Variants in UNC79 observed in about 807,000 individuals in gnomAD.
UNC79 encodes the protein unc-79 subunit of NALCN channel complex, also known as protein unc-79 homolog.
UNC79 carries 37 observed loss-of-function variants against 283.1 expected under a neutral mutation model. That is an observed-to-expected ratio of 0.13 (90% CI 0.10 to 0.17). UNC79 has a LOEUF of 0.17. UNC79 is among the 10% of genes least tolerant of loss of function. UNC79 has a pLI of 1.00. For missense variants in UNC79, 2,272 were observed against 3,211.1 expected, an observed-to-expected ratio of 0.71 and a Z score of 7.07; for synonymous variants, 1,107 against 1,200.2, an observed-to-expected ratio of 0.92 and a Z score of 1.61.
intron 22 of UNC79, among the ~76,000 whole-genome samples, chr14:93,591,485 C>T (rs1221607996): frequency 6.6e-6 from 1 of 152,124 alleles, no homozygotes; most frequent in Non-Finnish European, 1.5e-5. Context: ...TTATTGTATT[C>T]TTACAATAAA....
intron 41 of UNC79, among the ~76,000 whole-genome samples, chr14:93,677,531 A>G (rs975343092): frequency 2.6e-5 from 4 of 152,198 alleles, no homozygotes; most frequent in East Asian, 1.9e-4. Context: ...TCACCATTCA[A>G]TTATCTCCAC....
At chr14:93,396,777 A>ATGTGTGTGTGTGTGTGTG (rs34727419) in intron 1 of UNC79, among the ~76,000 whole-genome samples, 3,725 of 144,416 alleles carry the variant, frequency 0.026, 78 homozygotes, top group Non-Finnish European at 0.037. Flanking sequence ...ATGTGTGTGT[A>ATGTGTGTGTGTGTGTGTG]TGTGTGTGTG....
At chr14:93,490,847 A>C (rs984166685) in intron 5 of UNC79, among the ~76,000 whole-genome samples, 1 of 152,064 alleles carries the variant, frequency 6.6e-6, no homozygotes, top group Admixed American at 6.5e-5. Context: ...TCCAGCCCCT[A>C]CCTGTTACCC....
At chr14:93,353,081 G>C (rs2054011729) in intron 1 of UNC79, among the ~76,000 whole-genome samples, 1 of 152,124 alleles carries the variant, frequency 6.6e-6, no homozygotes, top group African/African-American at 2.4e-5. Context: ...TTATTCCACT[G>C]TTCCCACCAC....
intron 1 of UNC79, among the ~76,000 whole-genome samples, chr14:93,412,301 A>G (rs1346078987): frequency 6.6e-6 from 1 of 152,128 alleles, no homozygotes; most frequent in Admixed American, 6.5e-5. Context: ...AATAGCCTTA[A>G]AAGGTCAAAT....
At chr14:93,706,611 C>T in intron 48 of UNC79, 93 bp from the exon 52 acceptor site, 1 of 1,450,632 alleles carries the variant, frequency 6.9e-7, no homozygotes, top group Non-Finnish European at 9.5e-7. Flanking sequence ...TGAGCCAAGC[C>T]TAAATTCTGC....
At chr14:93,519,471 A>T (rs940295398) in intron 7 of UNC79, among the ~76,000 whole-genome samples, 5 of 151,792 alleles carry the variant, frequency 3.3e-5, no homozygotes, top group African/African-American at 1.2e-4. Context: ...CCTATTTCAC[A>T]ATCTTTGCCT....
chr14:93,541,932 G>A (rs950033362), intron 13 of UNC79, among the ~76,000 whole-genome samples: 1 of 150,364 alleles, frequency 6.7e-6, no homozygotes, highest in Admixed American at 6.6e-5. Context: ...GTGAACCCGG[G>A]AGGCGGAGCT....
intron 35 of UNC79, 152 bp downstream of exon 38, chr14:93,646,798 C>T: frequency 1.2e-5 from 9 of 720,470 alleles, no homozygotes; most frequent in Non-Finnish European, 2.1e-5. Flanking sequence ...TCACTCGAGC[C>T]CGGGAGTTCA....
At chr14:93,557,473 T>C (rs2062239808) in intron 14 of UNC79, among the ~76,000 whole-genome samples, 1 of 152,172 alleles carries the variant, frequency 6.6e-6, no homozygotes, top group Admixed American at 6.5e-5. Context: ...TAAGCCTTAA[T>C]GAAGGTTATG....
chr14:93,620,634 G>A (rs2067065464), intron 29 of UNC79, among the ~76,000 whole-genome samples: 1 of 152,168 alleles, frequency 6.6e-6, no homozygotes. Context: ...GGCGCTATTG[G>A]ACTCTCAAGA....
At chr14:93,702,702 A>G (rs2075617803) in intron 47 of UNC79, among the ~76,000 whole-genome samples, 1 of 152,184 alleles carries the variant, frequency 6.6e-6, no homozygotes, top group African/African-American at 2.4e-5. Flanking sequence ...TCATTACATC[A>G]GTGTCCCCCA....
At chr14:93,460,821 T>C (rs1169345919) in intron 1 of UNC79, among the ~76,000 whole-genome samples, 1 of 152,122 alleles carries the variant, frequency 6.6e-6, no homozygotes, top group Non-Finnish European at 1.5e-5. Flanking sequence ...GCCCAGGTGT[T>C]CGAGACCAGC....
chr14:93,346,544 A>G lies in UNC79; in HGVS notation c.-351+13021A>G, dbSNP rs189305630. ...TTACATCACTGTTTCTACTGGGTCCAAACACTCTATTTGACCCTGCCATGA... is the reference window on the plus strand; with the variant it reads ...TTACATCACTGTTTCTACTGGGTCCGAACACTCTATTTGACCCTGCCATGA... On this transcript the variant is annotated intron_variant, in intron 1 of 49. Coordinates refer to the UNC79 transcript ENST00000256339. 5.9e-5 allele frequency among the ~76,000 whole-genome samples: 9 copies of G among 152,346 alleles called. No individual in the cohort carries two copies. In the East Asian group the frequency reaches 1.5e-3, roughly 26 times the overall value.
chr14:93,376,491 C>T (rs1408544950), intron 1 of UNC79, among the ~76,000 whole-genome samples: 1 of 152,108 alleles, frequency 6.6e-6, no homozygotes, highest in Non-Finnish European at 1.5e-5. Flanking sequence ...ATATCCTATA[C>T]ACATATACAC....
At chr14:93,362,357 G>GT (rs1396725093) in intron 1 of UNC79, among the ~76,000 whole-genome samples, 5 of 150,880 alleles carry the variant, frequency 3.3e-5, no homozygotes, top group Middle Eastern at 3.2e-3. Context: ...ACTGATTAAG[G>GT]TTTTTTTTTG....
chr14:93,458,692 AG>A (rs1214347781), intron 1 of UNC79, among the ~76,000 whole-genome samples: 2 of 152,190 alleles, frequency 1.3e-5, no homozygotes, highest in Admixed American at 1.3e-4. Context: ...GCAGTTATTT[AG>A]GGAATATTAA....
At chr14:93,365,912 A>G (rs2139953254) in intron 1 of UNC79, among the ~76,000 whole-genome samples, 1 of 152,360 alleles carries the variant, frequency 6.6e-6, no homozygotes, top group East Asian at 1.9e-4. Context: ...TGGAAGTAGA[A>G]TAAATTATAA....
chr14:93,374,923 G>T (rs1437916726), intron 1 of UNC79, among the ~76,000 whole-genome samples: 1 of 152,180 alleles, frequency 6.6e-6, no homozygotes, highest in Non-Finnish European at 1.5e-5. Context: ...TTGGAGTTTT[G>T]AGTTGGTGTT....
Sources: gnomAD v4.1 joint callset for allele counts (sites outside exome capture counted in the v4.1 genomes callset) on GRCh38, gnomAD v4.1.1 for gene constraint, MANE v1.5 for transcripts, NCBI Gene and HGNC (gene_info 2026-07-23, HGNC 2026-07-21) for gene names.